KCNMA1: variants seen among roughly 807,000 people sequenced by gnomAD.
KCNMA1 encodes Calcium-activated potassium channel subunit alpha-1.
KCNMA1 carries 29 observed loss-of-function variants against 140.0 expected under a neutral mutation model. The ratio of observed to expected loss-of-function variants is 0.21; its 90% CI spans 0.15 to 0.28. The LOEUF (loss-of-function observed/expected upper bound fraction) is 0.28. KCNMA1 is among the 10% of genes least tolerant of loss of function. KCNMA1 has a pLI of 1.00. For missense variants in KCNMA1, 880 were observed against 1,602.2 expected (o/e 0.55, Z 7.70); for synonymous variants, 612 against 611.9 (o/e 1.00, Z 0.00).
chr10:77,108,682 TG>T lies in KCNMA1; in HGVS notation c.1132-111del, dbSNP rs2097251798. 1.2e-6 allele frequency: 1 copy of T among 806,172 alleles called. No individual in the cohort carries two copies. The highest frequency in any genetic ancestry group is 1.7e-5 in the African/African-American group (1 of 59,436). The allele number at this position is 806,172 out of a possible 1,614,324, so 49.9% of individuals were successfully genotyped here. A position where few individuals can be genotyped will look rare whatever the true frequency, so the allele number is the denominator to read the frequency against. On this transcript the variant is annotated intron_variant, in intron 8 of 27. Coordinates refer to ENST00000286628, the MANE Select transcript of KCNMA1 (RefSeq NM_001161352.2). The surrounding 1 kb of genome is among the most constrained non-coding windows in gnomAD (Gnocchi z 4.6). ...TCTGAAAACACAAAAGGATTAGGCC[TG>T]CAAAGGTATATATTGATATGTTGGA... is the stretch of plus-strand genomic sequence containing the variant.
At chr10:77,583,910 A>G (rs1243414821) in intron 1 of KCNMA1, among the ~76,000 whole-genome samples, 1 of 152,254 alleles carries the variant, frequency 6.6e-6, no homozygotes, top group Non-Finnish European at 1.5e-5. Context: ...GAAAGGAGGT[A>G]TAACCATATG....
At chr10:77,610,233 G>A (rs1382553927) in intron 1 of KCNMA1, among the ~76,000 whole-genome samples, 1 of 152,156 alleles carries the variant, frequency 6.6e-6, no homozygotes, top group Non-Finnish European at 1.5e-5. Flanking sequence ...GTCTCATGGT[G>A]CCACTGTAAA....
intron 1 of KCNMA1, among the ~76,000 whole-genome samples, chr10:77,606,252 A>T (rs1185940147): frequency 6.6e-6 from 1 of 152,162 alleles, no homozygotes; most frequent in East Asian, 1.9e-4. Context: ...TGGGACTAAA[A>T]GGAGGGATGG....
intron 3 of KCNMA1, among the ~76,000 whole-genome samples, chr10:77,248,068 C>T (rs1364147078): frequency 3.9e-5 from 6 of 152,122 alleles, no homozygotes; most frequent in African/African-American, 1.4e-4. Flanking sequence ...TTGGAAGTGA[C>T]TTATCCATCA....
intron 1 of KCNMA1, among the ~76,000 whole-genome samples, chr10:77,450,704 A>G (rs1188443427): frequency 6.6e-6 from 1 of 152,200 alleles, no homozygotes; most frequent in African/African-American, 2.4e-5. Context: ...AGACCCACCC[A>G]AAGAGTCATA....
intron 23 of KCNMA1, chr10:76,930,315 G>T (rs2058947568): frequency 6.6e-6 from 1 of 152,080 alleles, no homozygotes; most frequent in South Asian, 2.1e-4. Context: ...AATGGGCAAA[G>T]GAACCTAATA....
At position 77,326,931 on chromosome 10, in the gene KCNMA1, A is replaced by G. The variant is rs141309294; in HGVS notation, c.541-75675T>C. On this transcript the variant is annotated intron_variant, in intron 2 of 27. Transcript: ENST00000286628. ...CTAGTCCACACCAAAGTGAGCCTACACTCCATCCATATGGGTCATCCCTCC... is the reference window on the plus strand; with the variant it reads ...CTAGTCCACACCAAAGTGAGCCTACGCTCCATCCATATGGGTCATCCCTCC... Among the ~76,000 whole-genome samples the G allele has an allele frequency of 2.1e-3, 314 of 151,954 alleles. 3 individuals carry two copies. Among genetic ancestry groups the G allele is most frequent in the African/African-American group, 7.4e-3 (307 of 41,432 alleles).
At chr10:77,500,394 TCC>T (rs910110503) in intron 1 of KCNMA1, among the ~76,000 whole-genome samples, 2 of 152,128 alleles carry the variant, frequency 1.3e-5, no homozygotes, top group African/African-American at 4.8e-5. Context: ...ACACCTGTAA[TCC>T]CACTGCTTTG....
At chr10:76,898,507 C>A (rs74139849) in intron 25 of KCNMA1, among the ~76,000 whole-genome samples, 2,080 of 149,934 alleles carry the variant, frequency 0.014, 48 homozygotes, top group African/African-American at 0.047. Flanking sequence ...TTTGTAACAA[C>A]GATTACAAAA....
At chr10:77,556,553 G>A (rs2064533808) in intron 1 of KCNMA1, among the ~76,000 whole-genome samples, 1 of 147,722 alleles carries the variant, frequency 6.8e-6, no homozygotes, top group Non-Finnish European at 1.5e-5. Flanking sequence ...GTAAAGTGCA[G>A]TCTATGGAAG....
intron 14 of KCNMA1, among the ~76,000 whole-genome samples, chr10:77,069,555 G>A (rs544820122): frequency 2.0e-4 from 30 of 152,248 alleles, no homozygotes; most frequent in African/African-American, 7.2e-4. Flanking sequence ...TTTAGCAGTA[G>A]TTAGCAAAGT....
At chr10:77,000,719 T>C (rs2085949948) in intron 19 of KCNMA1, among the ~76,000 whole-genome samples, 2 of 151,798 alleles carry the variant, frequency 1.3e-5, no homozygotes, top group Admixed American at 6.6e-5. Flanking sequence ...TTCAAAATAG[T>C]CATCATTCTG....
chr10:77,211,799 A>T (rs1356315558), intron 3 of KCNMA1, among the ~76,000 whole-genome samples: 1 of 152,232 alleles, frequency 6.6e-6, no homozygotes. Context: ...ACATGAAATG[A>T]CACTTCTCAA....
intron 3 of KCNMA1, among the ~76,000 whole-genome samples, chr10:77,223,458 T>A (rs943531570): frequency 6.6e-6 from 1 of 152,084 alleles, no homozygotes; most frequent in African/African-American, 2.4e-5. Context: ...CCAAACAAGT[T>A]GAAAAGAAAG....
intron 5 of KCNMA1, among the ~76,000 whole-genome samples, chr10:77,133,202 T>A (rs2097902170): frequency 1.4e-5 from 2 of 145,942 alleles, no homozygotes; most frequent in Admixed American, 6.8e-5. Context: ...CTTCAGCCCA[T>A]CCAATGAAAA....
chr10:77,427,150 T>A lies in KCNMA1; in HGVS notation c.379-23127A>T, dbSNP rs145768066. Among the ~76,000 whole-genome samples, 976 of 152,328 alleles carry A rather than the reference T, an allele frequency of 6.4e-3. 5 individuals carry two copies. Among genetic ancestry groups the A allele is most frequent in the Non-Finnish European group, 8.2e-3 (556 of 68,030 alleles). On this transcript the variant is annotated intron_variant, in intron 1 of 27. Coordinates refer to ENST00000286628, the MANE Select transcript of KCNMA1 (RefSeq NM_001161352.2). ...CAAAGGCAGCCCTTCCTGGTGCACA[T>A]CAGCATCATGGTGCTGTCCCAGCCC...
At chr10:76,992,779 A>G (rs992959541) in intron 19 of KCNMA1, among the ~76,000 whole-genome samples, 1 of 152,170 alleles carries the variant, frequency 6.6e-6, no homozygotes, top group Non-Finnish European at 1.5e-5. Context: ...AAGCAGTAAA[A>G]CCGAAAAGAA....
chr10:77,027,720 G>A (rs1261610089), intron 16 of KCNMA1, 103 bp downstream of exon 16: 2 of 929,792 alleles, frequency 2.2e-6, no homozygotes, highest in Non-Finnish European at 3.6e-6. Context: ...CTGGTTCCAT[G>A]CAGATAAATA....
At chr10:77,283,598 G>C (rs2069521201) in intron 2 of KCNMA1, among the ~76,000 whole-genome samples, 1 of 152,224 alleles carries the variant, frequency 6.6e-6, no homozygotes, top group African/African-American at 2.4e-5. Context: ...CTCTGAATTT[G>C]ATGAGGTGGT....
Sources: allele counts gnomAD v4.1 joint callset (sites outside exome capture counted in the v4.1 genomes callset), GRCh38; gene constraint gnomAD v4.1.1; non-coding constraint Gnocchi (gnomAD v3.1); transcripts MANE v1.5; gene names NCBI Gene and HGNC (gene_info 2026-07-23, HGNC 2026-07-21).